LARP1: variants seen among roughly 807,000 people sequenced by gnomAD.
The protein encoded by LARP1 is La ribonucleoprotein 1, translational regulator, also known as la-related protein 1.
Under a neutral mutation model 122.7 loss-of-function variants are expected in LARP1, and 36 were observed. The ratio of observed to expected loss-of-function variants is 0.29; its 90% CI spans 0.22 to 0.39. The LOEUF (loss-of-function observed/expected upper bound fraction) is 0.39, where lower values mean the gene tolerates loss of function less well. Ranked by LOEUF, LARP1 falls within the 10% of genes least tolerant of loss-of-function variation. The pLI is 1.00. For synonymous variants in LARP1, 539 were observed against 528.7 expected, an observed-to-expected ratio of 1.02 and a Z score of -0.27; for missense variants, 1,040 against 1,403.6, an observed-to-expected ratio of 0.74 and a Z score of 4.14.
At position 154,737,436 on chromosome 5, in the gene LARP1, C is replaced by CTTTTTT. The variant is rs10526758; in HGVS notation, c.205+24324_205+24329dup. Among the ~76,000 whole-genome samples the CTTTTTT allele has an allele frequency of 1.2e-3, 117 of 95,302 alleles. 1 individual carries two copies. Among genetic ancestry groups the CTTTTTT allele is most frequent in the African/African-American group, 2.5e-3 (57 of 22,578 alleles). The allele number at this position is 95,302 out of a possible 152,430, so 62.5% of individuals were successfully genotyped here. ...TAATCTAGAAGCATGGAATTTTTCT[C>CTTTTTT]TTTTTTTTTTTTTTTTTTTTTTTGA... is the stretch of plus-strand genomic sequence containing the variant. On this transcript the variant is annotated intron_variant, in intron 1 of 18. Coordinates refer to the LARP1 transcript ENST00000336314.
chr5:154,803,295 A>G lies in LARP1; in HGVS notation c.2115A>G (p.Glu705=), dbSNP rs746155173. 3 of 1,614,068 alleles carry G rather than the reference A, an allele frequency of 1.9e-6. No individual in the cohort carries two copies. Among genetic ancestry groups the G allele is most frequent in the Non-Finnish European group, 2.5e-6 (3 of 1,180,048 alleles). The change falls in exon 12 of 19, where the codon GAA becomes GAG. Residue 705 remains glutamate, a synonymous_variant. Transcript: ENST00000518297. This position sits in a 1 kb window ranked among gnomAD's most constrained non-coding sequence, Gnocchi z 4.4. ...TCATCTCATGACCTCTGCAGCAAGA[A>G]GTCGAGAACTTCAAAAAGGTCAATA... ...FEPEYSQIKQ[E]VENFKKVNMI...
chr5:154,713,146 C>T, intron 1 of LARP1: 1 of 1,603,068 alleles, frequency 6.2e-7, no homozygotes, highest in Non-Finnish European at 8.5e-7. Flanking sequence ...TCCTAGCACT[C>T]TGCGTTTCTT....
At chr5:154,736,241 G>A (rs759006605) in intron 1 of LARP1, among the ~76,000 whole-genome samples, 6 of 151,350 alleles carry the variant, frequency 4.0e-5, no homozygotes, top group Non-Finnish European at 5.9e-5. Context: ...GATTACAGGC[G>A]TGTGCCACCA....
Position 154,717,890 on chromosome 5 carries a change from C to T in LARP1, c.205+4760C>T, listed in dbSNP as rs572512498. ...TGACACATATACACACACACACACA[C>T]ACCTATGGGTTAGAAATAGCCTTTC... On this transcript the variant is annotated intron_variant, in intron 1 of 18. Coordinates refer to the LARP1 transcript ENST00000336314. Among the ~76,000 whole-genome samples the T allele has an allele frequency of 2.6e-5, 4 of 152,222 alleles. No individual in the cohort carries two copies. The South Asian group carries it at 8.3e-4, about 32-fold the overall frequency.
chr5:154,799,168 G>GT (rs1345745098), intron 8 of LARP1, among the ~76,000 whole-genome samples: 1 of 152,178 alleles, frequency 6.6e-6, no homozygotes, highest in Non-Finnish European at 1.5e-5. Flanking sequence ...GACCTGTAAA[G>GT]TTTTTTAATG....
At position 154,793,659 on chromosome 5, in the gene LARP1, G is replaced by T; in HGVS notation, c.804G>T (p.Leu268=). 1 of 1,614,090 alleles carries T rather than the reference G, an allele frequency of 6.2e-7. No individual in the cohort carries two copies. Among genetic ancestry groups the T allele is most frequent in the Non-Finnish European group, 8.5e-7 (1 of 1,180,018 alleles). The change falls in exon 5 of 19, where the codon CTG becomes CTT. Residue 268 remains leucine, a synonymous_variant. Transcript: ENST00000518297. ...DMKPEVPREK[L]ASRPTRPPEP... ...AGCCTGAAGTGCCCAGAGAGAAACT[G>T]GCTTCACGCCCCACTCGCCCACCGG...
At chr5:154,795,431 T>G in intron 8 of LARP1, 112 bp downstream of exon 8, 1 of 1,087,702 alleles carries the variant, frequency 9.2e-7, no homozygotes, top group South Asian at 1.6e-5. Flanking sequence ...TGACTTCTGC[T>G]GAAGTCTCAA....
At chr5:154,790,943 GAGT>G (rs1757291381) in intron 3 of LARP1, among the ~76,000 whole-genome samples, 3 of 151,244 alleles carry the variant, frequency 2.0e-5, no homozygotes, top group Non-Finnish European at 4.4e-5. Context: ...CCAGCCTCCC[GAGT>G]AGCTGTGATT....
chr5:154,756,609 G>A (rs554291476), intron 1 of LARP1: 2 of 613,760 alleles, frequency 3.3e-6, no homozygotes, highest in South Asian at 1.4e-4. Flanking sequence ...AGCGTTGCGA[G>A]CGTCCCCATG....
chr5:154,686,003 A>G, intron 1 of LARP1: 1 of 461,070 alleles, frequency 2.2e-6, no homozygotes, highest in Non-Finnish European at 4.2e-6. Context: ...ACTCATCACA[A>G]TTGGGATTAG....
chr5:154,808,357 G>A (rs2113861672), intron 15 of LARP1, 102 bp from the exon 16 acceptor site: 4 of 1,397,706 alleles, frequency 2.9e-6, no homozygotes, highest in Non-Finnish European at 3.9e-6. Flanking sequence ...GGATTTGGAA[G>A]TACATGAGAA....
At chr5:154,690,009 C>T (rs1482411580) in intron 1 of LARP1, among the ~76,000 whole-genome samples, 2 of 152,030 alleles carry the variant, frequency 1.3e-5, no homozygotes, top group African/African-American at 4.8e-5. Flanking sequence ...CCGTTGCACT[C>T]CAGGCTGGGT....
chr5:154,811,203 C>A, intron 16 of LARP1, 44 bp from the exon 17 acceptor site: 1 of 1,431,310 alleles, frequency 7.0e-7, no homozygotes, highest in South Asian at 1.2e-5. Flanking sequence ...TCCCGTTTTA[C>A]AGATGAAGAA....
At chr5:154,807,800 C>A (rs1368270577) in intron 15 of LARP1, among the ~76,000 whole-genome samples, 1 of 152,150 alleles carries the variant, frequency 6.6e-6, no homozygotes, top group Non-Finnish European at 1.5e-5. Context: ...GCAGTCCTCC[C>A]TCCTCAGCCT....
intron 15 of LARP1, 84 bp from the exon 16 acceptor site, chr5:154,808,375 A>G: frequency 6.6e-7 from 1 of 1,505,424 alleles, no homozygotes; most frequent in Non-Finnish European, 9.0e-7. Context: ...GAAAGGACCA[A>G]GTCTTAAGTT....
At chr5:154,808,696 C>T in intron 16 of LARP1, 93 bp downstream of exon 16, 1 of 1,319,308 alleles carries the variant, frequency 7.6e-7, no homozygotes, top group Non-Finnish European at 1.0e-6. Context: ...TTGGAAATTC[C>T]TTGCATGTGT....
At chr5:154,718,200 G>A (rs1265475629) in intron 1 of LARP1, among the ~76,000 whole-genome samples, 1 of 152,142 alleles carries the variant, frequency 6.6e-6, no homozygotes, top group Non-Finnish European at 1.5e-5. Context: ...GGGATTATAG[G>A]CAGAGCCACC....
At chr5:154,805,230 A>T (rs75688092) in intron 14 of LARP1, 4,826 of 250,638 alleles carry the variant, frequency 0.019, 234 homozygotes, top group African/African-American at 0.11. Context: ...ATAAAAGTTA[A>T]AATCATAAGA....
chr5:154,703,098 G>A (rs1362089980), intron 1 of LARP1, among the ~76,000 whole-genome samples: 1 of 125,192 alleles, frequency 8.0e-6, no homozygotes, highest in African/African-American at 3.0e-5. Context: ...TCTAGCCGGG[G>A]CAACAGAGTG....
Sources: gnomAD v4.1 joint callset for allele counts (sites outside exome capture counted in the v4.1 genomes callset) on GRCh38, gnomAD v4.1.1 for gene constraint, Gnocchi (gnomAD v3.1) non-coding constraint, MANE v1.5 for transcripts, NCBI Gene and HGNC (gene_info 2026-07-23, HGNC 2026-07-21) for gene names.